ADGRL2: variants seen among roughly 807,000 people sequenced by gnomAD.
ADGRL2 encodes the protein adhesion G protein-coupled receptor L2.
In ADGRL2, 44 loss-of-function variants were observed where a neutral mutation model predicts 157.4. The observed-to-expected ratio is 0.28, with a 90% CI of 0.22 to 0.36. ADGRL2 has a LOEUF of 0.36. Ranked by LOEUF, ADGRL2 falls within the 10% of genes least tolerant of loss-of-function variation. The pLI is 1.00. For synonymous variants in ADGRL2, 585 were observed against 624.7 expected (o/e 0.94, Z 0.95); for missense variants, 1,510 against 1,768.9 (o/e 0.85, Z 2.63).
chr1:81,596,482 T>A, intron 3 of ADGRL2: 1 of 444,978 alleles, frequency 2.2e-6, no homozygotes, highest in South Asian at 1.8e-5. Context: ...TCCAAGGGTG[T>A]TTTTCCTGTA....
chr1:81,614,997 A>C (rs1388956560), intron 3 of ADGRL2, among the ~76,000 whole-genome samples: 1 of 152,210 alleles, frequency 6.6e-6, no homozygotes, highest in Non-Finnish European at 1.5e-5. Flanking sequence ...TGAGCGACAG[A>C]GTGAGACCAT....
intron 3 of ADGRL2, among the ~76,000 whole-genome samples, chr1:81,634,863 T>G (rs2082086437): frequency 6.6e-6 from 1 of 152,128 alleles, no homozygotes; most frequent in African/African-American, 2.4e-5. Flanking sequence ...ATACACACTG[T>G]TGATGGCCTA....
intron 3 of ADGRL2, among the ~76,000 whole-genome samples, chr1:81,674,407 G>T (rs534656010): frequency 2.1e-3 from 324 of 152,302 alleles, no homozygotes; most frequent in Admixed American, 5.2e-3. Context: ...AATTGCCAGT[G>T]CATGGTGCTG....
At chr1:81,740,297 C>T (rs1184429856) in intron 1 of ADGRL2, among the ~76,000 whole-genome samples, 1 of 152,082 alleles carries the variant, frequency 6.6e-6, no homozygotes, top group Non-Finnish European at 1.5e-5. Flanking sequence ...ATATGCATAT[C>T]CACTTTAAAA....
rs965096680 is a variant in ADGRL2, at chr1:81,992,405, ATG to A, written c.*1263_*1264del. ...TTTAACACGGTTTGACAGTAAATAA[ATG>A]TGAATTTTTTCAAGTAGTTAACATG... On this transcript the variant is annotated 3_prime_UTR_variant, in exon 24 of 24. Transcript: ENST00000686636. 2.0e-5 allele frequency: 3 copies of A among 152,580 alleles called. No homozygotes were observed. The highest frequency in any genetic ancestry group is 4.8e-5 in the African/African-American group (2 of 41,432). 9.5% of individuals were successfully genotyped at this position (152,580 alleles called of 1,614,324 possible). A position where few individuals can be genotyped will look rare whatever the true frequency, so the allele number is the denominator to read the frequency against.
chr1:81,411,428 G>A (rs1025608105), intron 1 of ADGRL2, among the ~76,000 whole-genome samples: 1 of 152,128 alleles, frequency 6.6e-6, no homozygotes, highest in Non-Finnish European at 1.5e-5. Context: ...GCAGCCCCAT[G>A]AGGGAGATAT....
chr1:81,445,878 G>C (rs908130485), intron 2 of ADGRL2, among the ~76,000 whole-genome samples: 4 of 152,290 alleles, frequency 2.6e-5, no homozygotes, highest in African/African-American at 9.6e-5. Flanking sequence ...GGTGTAAAAT[G>C]CTTAAAATAT....
intron 2 of ADGRL2, among the ~76,000 whole-genome samples, chr1:81,465,985 A>C (rs1463683232): frequency 2.0e-5 from 3 of 152,368 alleles, no homozygotes; most frequent in African/African-American, 7.2e-5. Context: ...AAGACCAAGT[A>C]ACCAATATTT....
intron 1 of ADGRL2, among the ~76,000 whole-genome samples, chr1:81,330,701 A>C (rs1661214277): frequency 6.6e-6 from 1 of 152,146 alleles, no homozygotes; most frequent in Non-Finnish European, 1.5e-5. Context: ...CCATTACTAC[A>C]AGCTGCCAAC....
At chr1:81,973,122 A>G (rs1659243599) in intron 17 of ADGRL2, among the ~76,000 whole-genome samples, 1 of 152,324 alleles carries the variant, frequency 6.6e-6, no homozygotes, top group South Asian at 2.1e-4. Flanking sequence ...AAGGAAACTT[A>G]AAACCACTTC....
intron 10 of ADGRL2, among the ~76,000 whole-genome samples, chr1:81,954,217 T>TC (rs1343147413): frequency 6.6e-6 from 1 of 151,926 alleles, no homozygotes; most frequent in Non-Finnish European, 1.5e-5. Context: ...GAATAGCTTT[T>TC]TTTTTTTCCT....
intron 3 of ADGRL2, among the ~76,000 whole-genome samples, chr1:81,658,298 T>C (rs1557543411): frequency 6.6e-6 from 1 of 152,338 alleles, no homozygotes; most frequent in South Asian, 2.1e-4. Context: ...TTTCACCATG[T>C]TGCCCAGGCT....
chr1:81,985,183 A>G (rs1296644225), intron 20 of ADGRL2, 76 bp from the exon 21 acceptor site: 1 of 789,634 alleles, frequency 1.3e-6, no homozygotes, highest in African/African-American at 1.7e-5. Context: ...TTTAGGGTAA[A>G]TCCTTGTATG....
At chr1:81,371,797 C>T (rs2076164706) in intron 1 of ADGRL2, among the ~76,000 whole-genome samples, 3 of 152,188 alleles carry the variant, frequency 2.0e-5, no homozygotes, top group Non-Finnish European at 4.4e-5. Flanking sequence ...TGTAACCATT[C>T]ATTCATTATT....
intron 3 of ADGRL2, among the ~76,000 whole-genome samples, chr1:81,582,974 C>T (rs1234021228): frequency 6.6e-6 from 1 of 152,144 alleles, no homozygotes; most frequent in Admixed American, 6.6e-5. Flanking sequence ...TATTTTGCTT[C>T]ATTCTTTCAG....
chr1:81,788,639 C>T (rs1368542379), intron 2 of ADGRL2, among the ~76,000 whole-genome samples: 1 of 152,208 alleles, frequency 6.6e-6, no homozygotes, highest in Non-Finnish European at 1.5e-5. Flanking sequence ...GGTAAAGCCT[C>T]TCCTCCTGGA....
intron 3 of ADGRL2, among the ~76,000 whole-genome samples, chr1:81,622,567 T>C (rs899862353): frequency 6.6e-6 from 1 of 151,038 alleles, no homozygotes; most frequent in African/African-American, 2.4e-5. Context: ...GGCAACAGAG[T>C]GAGACCCCGT....
chr1:81,417,237 G>T (rs926422439), intron 1 of ADGRL2, among the ~76,000 whole-genome samples: 1 of 151,922 alleles, frequency 6.6e-6, no homozygotes, highest in Non-Finnish European at 1.5e-5. Context: ...TGCTAAACAT[G>T]ATTTCTTTAA....
rs554882764 is a variant in ADGRL2 at position 81,950,724 on chromosome 1, C to T, written c.1504+242C>T. Among the ~76,000 whole-genome samples, 5 of 152,284 alleles carry T rather than the reference C, an allele frequency of 3.3e-5. No individual in the cohort carries two copies. In the South Asian group the frequency reaches 6.2e-4, roughly 19 times the overall value. On this transcript the variant is annotated intron_variant, in intron 7 of 23. Coordinates refer to ENST00000686636, the MANE Select transcript of ADGRL2 (RefSeq NM_001366006.2). Reference sequence around the variant, plus strand: ...CAAGCCTGAGATTTTTGCCCCAAGACTCTAGTGAGTCTTCCTTACAGCTGC... The same window carrying T: ...CAAGCCTGAGATTTTTGCCCCAAGATTCTAGTGAGTCTTCCTTACAGCTGC...
Sources: gnomAD v4.1 joint callset for allele counts (sites outside exome capture counted in the v4.1 genomes callset) on GRCh38, gnomAD v4.1.1 for gene constraint, MANE v1.5 for transcripts, NCBI Gene and HGNC (gene_info 2026-07-23, HGNC 2026-07-21) for gene names.